Variants in WDR76 observed in about 807,000 individuals in gnomAD.
WDR76 encodes the protein WD repeat-containing protein 76.
In WDR76, 52 loss-of-function variants were observed where a neutral mutation model predicts 70.2. The ratio of observed to expected loss-of-function variants is 0.74; its 90% CI spans 0.59 to 0.93. The LOEUF (loss-of-function observed/expected upper bound fraction) is 0.93, where lower values mean the gene tolerates loss of function less well. Among genes scored for constraint, WDR76 ranks in the 40% least tolerant of loss-of-function variants. The pLI is 0.00. For synonymous variants in WDR76, 292 were observed against 271.1 expected (o/e 1.08, Z -0.76); for missense variants, 756 against 760.2 (o/e 0.99, Z 0.07).
chr15:43,852,948 GTGCAATCTTGGCTCAC>G lies in WDR76; in HGVS notation c.1191+1709_1191+1724del, dbSNP rs1226444736. ...TTGTTGCCCAGGCTGCAGTGCAGCA[GTGCAATCTTGGCTCAC>G]TGCAACTTCCACCTCCCGGGTTCAA... On this transcript the variant is annotated intron_variant, in intron 9 of 12. Coordinates refer to ENST00000263795, the MANE Select transcript of WDR76 (RefSeq NM_024908.4). Among the ~76,000 whole-genome samples the G allele has an allele frequency of 3.3e-5, 5 of 152,232 alleles. No homozygotes were observed. In the East Asian group the frequency reaches 9.7e-4, roughly 29 times the overall value.
chr15:43,858,721 CT>C lies in WDR76; in HGVS notation c.1463del (p.Leu488Ter). ...CGATTGAATTCCAGGAGAAGTCAGC[CT>C]TTGATTTCTTTGACTGAACATACAA... is the stretch of plus-strand genomic sequence containing the variant. Reference protein sequence around the residue: ...ARRLNSRRSQPLISLTEHTKS... With the variant: ...ARRLNSRRSQXLISLTEHTKS... On this transcript the variant is annotated frameshift_variant, in exon 11 of 13. Coordinates refer to ENST00000263795, the MANE Select transcript of WDR76 (RefSeq NM_024908.4). LOFTEE classifies it high-confidence loss of function. The C allele has an allele frequency of 6.2e-7, 1 of 1,614,110 alleles. No individual in the cohort carries two copies. Among genetic ancestry groups the C allele is most frequent in the Non-Finnish European group, 8.5e-7 (1 of 1,180,012 alleles).
chr15:43,842,597 C>G (rs754371789), intron 6 of WDR76, 31 bp from the exon 7 acceptor site: 27 of 1,604,654 alleles, frequency 1.7e-5, no homozygotes, highest in Non-Finnish European at 2.1e-5. Flanking sequence ...TACATACTAA[C>G]TTAGTTCTTT....
At chr15:43,853,718 C>A (rs2087891689) in intron 9 of WDR76, among the ~76,000 whole-genome samples, 1 of 151,744 alleles carries the variant, frequency 6.6e-6, no homozygotes, top group Non-Finnish European at 1.5e-5. Flanking sequence ...CCAGCCTGGC[C>A]AACATGGTGA....
At chr15:43,851,367 G>T in intron 9 of WDR76, 122 bp downstream of exon 9, 1 of 1,336,732 alleles carries the variant, frequency 7.5e-7, no homozygotes. Context: ...TGAGAACTAC[G>T]CTGCCTAAGT....
At chr15:43,854,939 A>C (rs2087910477) in intron 9 of WDR76, among the ~76,000 whole-genome samples, 1 of 150,804 alleles carries the variant, frequency 6.6e-6, no homozygotes, top group Non-Finnish European at 1.5e-5. Context: ...TGACAGAGTG[A>C]GACTCCATCT....
chr15:43,863,275 T>C (rs2088026521), intron 12 of WDR76, among the ~76,000 whole-genome samples: 2 of 152,156 alleles, frequency 1.3e-5, no homozygotes, highest in African/African-American at 4.8e-5. Context: ...TGTGTATTTA[T>C]CATGTACAAC....
intron 2 of WDR76, among the ~76,000 whole-genome samples, chr15:43,829,785 C>T (rs371974118): frequency 8.6e-5 from 13 of 151,826 alleles, no homozygotes; most frequent in African/African-American, 3.1e-4. Context: ...GAATTACAGG[C>T]GTGAGCCACC....
intron 1 of WDR76, 85 bp from the exon 2 acceptor site, chr15:43,827,880 A>G (rs1308619477): frequency 1.5e-6 from 2 of 1,342,318 alleles, no homozygotes; most frequent in Non-Finnish European, 2.0e-6. Flanking sequence ...GGAAATGGGA[A>G]TTATTAGATC....
At chr15:43,848,252 A>G (rs546091526) in intron 8 of WDR76, among the ~76,000 whole-genome samples, 1 of 152,126 alleles carries the variant, frequency 6.6e-6, no homozygotes, top group Non-Finnish European at 1.5e-5. Flanking sequence ...AAAAAGAAAA[A>G]AAATTCACTT....
At chr15:43,845,488 A>C (rs2087777361) in intron 8 of WDR76, among the ~76,000 whole-genome samples, 1 of 150,236 alleles carries the variant, frequency 6.7e-6, no homozygotes, top group Non-Finnish European at 1.5e-5. Flanking sequence ...ACCAGAAAGT[A>C]GGCCCTTACC....
intron 12 of WDR76, 90 bp from the exon 13 acceptor site, chr15:43,866,038 C>A: frequency 1.4e-6 from 2 of 1,461,222 alleles, no homozygotes; most frequent in Non-Finnish European, 9.2e-7. Flanking sequence ...AGAAAACTAG[C>A]ATTTAGGAGC....
Position 43,866,188 on chromosome 15 carries a change from A to G in WDR76, c.1677A>G (p.Gln559=), listed in dbSNP as rs1342870253. The part of the protein sequence containing the change: ...TRFQAMWDPK[Q]EDCVIVGSMA... ...TCCAAGCCATGTGGGATCCTAAACAAGAAGACTGTGTCATAGTTGGCAGCA... is the reference window on the plus strand; with the variant it reads ...TCCAAGCCATGTGGGATCCTAAACAGGAAGACTGTGTCATAGTTGGCAGCA... Residue 559 remains glutamine (Q), a synonymous_variant, in exon 13 of 13, where the codon CAA becomes CAG. Transcript: ENST00000263795. 6.2e-7 allele frequency: 1 copy of G among 1,614,116 alleles called. No individual in the cohort carries two copies. Among genetic ancestry groups the G allele is most frequent in the East Asian group, 2.2e-5 (1 of 44,898 alleles).
chr15:43,844,036 A>G lies in WDR76; in HGVS notation c.1014A>G (p.Gln338=), dbSNP rs903735233. 1.9e-6 allele frequency: 3 copies of G among 1,611,898 alleles called. No individual in the cohort carries two copies. Among genetic ancestry groups the G allele is most frequent in the Non-Finnish European group, 1.7e-6 (2 of 1,179,402 alleles). Residue 338 remains glutamine (Q), a synonymous_variant, in exon 8 of 13, where the codon CAA becomes CAG. Coordinates refer to ENST00000263795, the MANE Select transcript of WDR76 (RefSeq NM_024908.4). ...TAGCAGTTGGGGCCAAATTTGGGCA[A>G]GTTGGACTTTGTGATTTGGTAAGTT... The part of the protein sequence containing the change: ...TLVAVGAKFG[Q]VGLCDLTQQP...
chr15:43,839,647 A>G lies in WDR76; in HGVS notation c.651A>G (p.Ser217=), dbSNP rs2087698547. 1 of 1,613,032 alleles carries G rather than the reference A, an allele frequency of 6.2e-7. No individual in the cohort carries two copies. Among genetic ancestry groups the G allele is most frequent in the Non-Finnish European group, 8.5e-7 (1 of 1,179,332 alleles). Reference sequence around the variant, plus strand: ...AAAATGGGATTGGATGTAGAAGGTCAATGCGATTACTAAAAGTTGATCCTT... The same window carrying G: ...AAAATGGGATTGGATGTAGAAGGTCGATGCGATTACTAAAAGTTGATCCTT... ...KRENGIGCRR[S]MRLLKVDPSG... The change falls in exon 5 of 13, where the codon TCA becomes TCG. Residue 217 remains serine, a synonymous_variant. Coordinates refer to ENST00000263795, the MANE Select transcript of WDR76 (RefSeq NM_024908.4).
At chr15:43,830,643 C>T (rs1382535259) in intron 2 of WDR76, among the ~76,000 whole-genome samples, 2 of 151,028 alleles carry the variant, frequency 1.3e-5, no homozygotes, top group Non-Finnish European at 2.9e-5. Flanking sequence ...GAAATAGGTC[C>T]ATTAATAGAG....
intron 3 of WDR76, 141 bp downstream of exon 3, chr15:43,835,291 A>ACCCGCCC (rs67611508): frequency 1.5e-4 from 83 of 538,844 alleles, no homozygotes; most frequent in East Asian, 6.4e-4. Flanking sequence ...ACATACGGAG[A>ACCCGCCC]CCCGCCCCCC....
chr15:43,831,450 T>G (rs1354937398), intron 2 of WDR76, among the ~76,000 whole-genome samples: 21 of 151,566 alleles, frequency 1.4e-4, no homozygotes, highest in Admixed American at 1.4e-3. Context: ...AGATACTTTT[T>G]TTTTTTGAGA....
intron 12 of WDR76, among the ~76,000 whole-genome samples, chr15:43,863,030 G>A (rs2088022549): frequency 6.6e-6 from 1 of 152,030 alleles, no homozygotes; most frequent in African/African-American, 2.4e-5. Context: ...CCGCCTCCTG[G>A]GTTCAGGCGA....
intron 12 of WDR76, 48 bp downstream of exon 12, chr15:43,861,434 A>T: frequency 6.6e-7 from 1 of 1,523,432 alleles, no homozygotes; most frequent in Non-Finnish European, 9.1e-7. Flanking sequence ...ACTATGAACT[A>T]TTTGTTGCAG....
Sources: gnomAD v4.1 joint callset for allele counts (sites outside exome capture counted in the v4.1 genomes callset) on GRCh38, gnomAD v4.1.1 for gene constraint, MANE v1.5 for transcripts, NCBI Gene and HGNC (gene_info 2026-07-23, HGNC 2026-07-21) for gene names.